Variants in XKR9 observed in about 807,000 individuals in gnomAD.
XKR9 encodes the protein XK-related protein 9.
In XKR9, 32 loss-of-function variants were observed where a neutral mutation model predicts 32.0. The ratio of observed to expected loss-of-function variants is 1.00; its 90% CI spans 0.76 to 1.34. The LOEUF is 1.34. Among genes scored for constraint, XKR9 ranks in the 40% most tolerant of loss-of-function variants. The pLI is 0.00. For missense variants in XKR9, 546 were observed against 429.7 expected, an observed-to-expected ratio of 1.27 and a Z score of -2.39; for synonymous variants, 168 against 143.4, an observed-to-expected ratio of 1.17 and a Z score of -1.22.
chr8:70,920,586 T>C, the XKR9 span, among the ~76,000 whole-genome samples: 1 of 152,164 alleles, frequency 6.6e-6, no homozygotes, highest in Non-Finnish European at 1.5e-5. Context: ...TAAGAAGTGC[T>C]TTGATAATGA....
the XKR9 span, among the ~76,000 whole-genome samples, chr8:70,994,617 G>A: frequency 6.6e-6 from 1 of 151,838 alleles, no homozygotes; most frequent in Admixed American, 6.6e-5. Context: ...TATGAAGTTT[G>A]GTGTTTGTCA....
At chr8:70,860,132 A>G in the XKR9 span, among the ~76,000 whole-genome samples, 3 of 152,200 alleles carry the variant, frequency 2.0e-5, no homozygotes, top group Non-Finnish European at 4.4e-5. Context: ...TATCAATAAC[A>G]AAATTACCCT....
chr8:70,787,983 C>A (rs1379405990), intron 2 of XKR9, among the ~76,000 whole-genome samples: 1 of 152,028 alleles, frequency 6.6e-6, no homozygotes, highest in Non-Finnish European at 1.5e-5. Context: ...GGTAACTTAA[C>A]TTTGACCTTA....
chr8:71,059,387 C>G, the XKR9 span, among the ~76,000 whole-genome samples: 4 of 152,184 alleles, frequency 2.6e-5, no homozygotes, highest in Non-Finnish European at 4.4e-5. Flanking sequence ...CATAAACTCC[C>G]GAAGTTATGA....
At chr8:71,012,690 C>G in the XKR9 span, among the ~76,000 whole-genome samples, 1 of 152,076 alleles carries the variant, frequency 6.6e-6, no homozygotes, top group East Asian at 1.9e-4. Context: ...TCATCTAGTC[C>G]TCACAAAACT....
the XKR9 span, among the ~76,000 whole-genome samples, chr8:70,890,496 T>A: frequency 0.01 from 1,596 of 152,026 alleles, 20 homozygotes; most frequent in Non-Finnish European, 0.018. Flanking sequence ...ATACCTAACT[T>A]GTTGAGAGTT....
chr8:70,701,053 G>T (rs548986986), intron 3 of XKR9, among the ~76,000 whole-genome samples: 3 of 152,258 alleles, frequency 2.0e-5, no homozygotes, highest in African/African-American at 7.2e-5. Flanking sequence ...CGCAGTATTC[G>T]GGTGGGAGTG....
the XKR9 span, among the ~76,000 whole-genome samples, chr8:70,944,975 T>C: frequency 6.6e-6 from 1 of 152,152 alleles, no homozygotes; most frequent in Non-Finnish European, 1.5e-5. Context: ...ATTAAATCCT[T>C]ATCCATAGGG....
At chr8:70,836,420 G>A in the XKR9 span, among the ~76,000 whole-genome samples, 1 of 151,974 alleles carries the variant, frequency 6.6e-6, no homozygotes, top group East Asian at 1.9e-4. Flanking sequence ...GTCAGTTCTA[G>A]ATATAGGAAG....
At position 70,707,030 on chromosome 8, in the gene XKR9, G is replaced by A. The variant is rs1343949836; in HGVS notation, c.370G>A (p.Val124Ile). Reference sequence around the variant, plus strand: ...AGAACAAATTGATCTACATAAAGAAGTTATAGATAGAGTGACTGATTTGAG... The same window carrying A: ...AGAACAAATTGATCTACATAAAGAAATTATAGATAGAGTGACTGATTTGAG... ...VEEQIDLHKE[V>I]IDRVTDLSML... Residue 124 changes from valine to isoleucine, a missense_variant, in exon 4 of 5, where the codon GTT becomes ATT. Transcript: ENST00000408926. 5 of 1,613,302 alleles carry A rather than the reference G, an allele frequency of 3.1e-6. No individual in the cohort carries two copies. In the African/African-American group the frequency reaches 4.0e-5, roughly 13 times the overall value.
chr8:70,787,803 C>G (rs991400826), intron 2 of XKR9, among the ~76,000 whole-genome samples: 2 of 151,884 alleles, frequency 1.3e-5, no homozygotes, highest in Admixed American at 1.3e-4. Flanking sequence ...TTATTCAATA[C>G]TATTTGGAGA....
chr8:70,934,628 A>G, the XKR9 span, among the ~76,000 whole-genome samples: 99 of 152,168 alleles, frequency 6.5e-4, no homozygotes, highest in African/African-American at 2.3e-3. Flanking sequence ...AACCTTTGCA[A>G]TTACTATGCA....
intron 2 of XKR9, among the ~76,000 whole-genome samples, chr8:70,752,397 T>A (rs1807155181): frequency 6.6e-6 from 1 of 152,216 alleles, no homozygotes; most frequent in African/African-American, 2.4e-5. Flanking sequence ...CTCGTTGGCT[T>A]CTGGTGAGGG....
chr8:70,746,277 C>G (rs887981511), intron 2 of XKR9, among the ~76,000 whole-genome samples: 22 of 148,880 alleles, frequency 1.5e-4, no homozygotes, highest in African/African-American at 4.9e-4. Context: ...TTCTCATAGA[C>G]TAGTGGTTCT....
the XKR9 span, among the ~76,000 whole-genome samples, chr8:70,919,564 G>A: frequency 6.6e-6 from 1 of 152,170 alleles, no homozygotes; most frequent in African/African-American, 2.4e-5. Flanking sequence ...TAACAACTGG[G>A]AAGGGTGACT....
At chr8:70,975,436 A>G in the XKR9 span, among the ~76,000 whole-genome samples, 2 of 152,216 alleles carry the variant, frequency 1.3e-5, no homozygotes, top group Admixed American at 6.5e-5. Flanking sequence ...TAAGGAAGGT[A>G]TCCAGTTTCA....
At chr8:70,845,796 G>T in the XKR9 span, among the ~76,000 whole-genome samples, 1 of 152,048 alleles carries the variant, frequency 6.6e-6, no homozygotes, top group Admixed American at 6.6e-5. Context: ...AAGCCCATGT[G>T]ACATATATGA....
At chr8:70,748,097 TA>T (rs543726821) in intron 2 of XKR9, among the ~76,000 whole-genome samples, 10 of 152,330 alleles carry the variant, frequency 6.6e-5, no homozygotes, top group Admixed American at 6.5e-4. Context: ...AACAATCATA[TA>T]AAAAAATTTA....
At chr8:70,699,304 T>G (rs2132155721) in intron 3 of XKR9, among the ~76,000 whole-genome samples, 1 of 152,330 alleles carries the variant, frequency 6.6e-6, no homozygotes, top group East Asian at 1.9e-4. Flanking sequence ...TTGGCATGAT[T>G]TTGCAGTGGC....
Sources: allele counts gnomAD v4.1 joint callset (sites outside exome capture counted in the v4.1 genomes callset), GRCh38; gene constraint gnomAD v4.1.1; transcripts MANE v1.5; gene names NCBI Gene and HGNC (gene_info 2026-07-23, HGNC 2026-07-21).